ADAMTS2: variants seen among roughly 807,000 people sequenced by gnomAD.
ADAMTS2 encodes the protein ADAM metallopeptidase with thrombospondin type 1 motif 2.
ADAMTS2 carries 50 observed loss-of-function variants against 123.0 expected under a neutral mutation model. The ratio of observed to expected loss-of-function variants is 0.41; its 90% confidence interval spans 0.32 to 0.51. The LOEUF is 0.51. Among genes scored for constraint, ADAMTS2 ranks in the 20% least tolerant of loss-of-function variants. The probability of loss-of-function intolerance (pLI) is 0.35; values close to 1 mark genes in which losing one functional copy is unlikely to be tolerated. For missense variants in ADAMTS2, 1,494 were observed against 1,705.2 expected, an observed-to-expected ratio of 0.88 and a Z score of 2.18; for synonymous variants, 678 against 695.4, an observed-to-expected ratio of 0.98 and a Z score of 0.39.
chr5:179,315,982 G>A (rs1451993401), intron 2 of ADAMTS2, among the ~76,000 whole-genome samples: 1 of 152,230 alleles, frequency 6.6e-6, no homozygotes, highest in East Asian at 1.9e-4. Flanking sequence ...ATTCCAGCAT[G>A]GATGGGTTCC....
intron 2 of ADAMTS2, among the ~76,000 whole-genome samples, chr5:179,329,942 A>G (rs1035102504): frequency 6.6e-6 from 1 of 151,568 alleles, no homozygotes; most frequent in Admixed American, 6.6e-5. Context: ...CTGGCTAACA[A>G]GGTGAAACCC....
intron 3 of ADAMTS2, among the ~76,000 whole-genome samples, chr5:179,216,639 A>G (rs1006251687): frequency 5.3e-5 from 8 of 152,252 alleles, no homozygotes; most frequent in African/African-American, 1.7e-4. Flanking sequence ...AGCAGAAGTC[A>G]GACCACGACC....
At chr5:179,196,548 C>T (rs935906020) in intron 4 of ADAMTS2, among the ~76,000 whole-genome samples, 3 of 152,324 alleles carry the variant, frequency 2.0e-5, no homozygotes, top group East Asian at 1.9e-4. Flanking sequence ...AAAGAATCCC[C>T]GAAGTAGCCT....
chr5:179,254,139 GT>G (rs1765990993), intron 3 of ADAMTS2, among the ~76,000 whole-genome samples: 1 of 152,178 alleles, frequency 6.6e-6, no homozygotes. Flanking sequence ...CTGTCTCACA[GT>G]CCCGAGCTTC....
At chr5:179,289,582 T>A (rs766771960) in intron 2 of ADAMTS2, among the ~76,000 whole-genome samples, 1 of 151,950 alleles carries the variant, frequency 6.6e-6, no homozygotes, top group African/African-American at 2.4e-5. Flanking sequence ...GATTTAATCA[T>A]CGCAATGGGA....
intron 4 of ADAMTS2, among the ~76,000 whole-genome samples, chr5:179,186,574 G>A (rs1764175127): frequency 6.6e-6 from 1 of 152,218 alleles, no homozygotes; most frequent in Non-Finnish European, 1.5e-5. Flanking sequence ...CCAGAGGCCT[G>A]CAGGGCCCAC....
chr5:179,217,233 A>G (rs1765003865), intron 3 of ADAMTS2, among the ~76,000 whole-genome samples: 1 of 152,248 alleles, frequency 6.6e-6, no homozygotes, highest in African/African-American at 2.4e-5. Flanking sequence ...GGATCTTAAA[A>G]ACAGAGTGCC....
At chr5:179,254,232 T>A (rs1330350999) in intron 3 of ADAMTS2, among the ~76,000 whole-genome samples, 1 of 152,220 alleles carries the variant, frequency 6.6e-6, no homozygotes, top group African/African-American at 2.4e-5. Flanking sequence ...GATGCTCCCA[T>A]GACAAGGGGC....
intron 5 of ADAMTS2, among the ~76,000 whole-genome samples, chr5:179,166,322 G>T (rs528881153): frequency 6.6e-6 from 1 of 152,190 alleles, no homozygotes; most frequent in African/African-American, 2.4e-5. Flanking sequence ...GGGCTGGAAA[G>T]GGTCTGAGGA....
chr5:179,345,090 C>G lies in ADAMTS2; in HGVS notation c.139+100G>C. ...CCGGGCGGGGCGCGCGGAGTTTGCC[C>G]AAGTCAGGCTGGACGACGCCTGGGG... On this transcript the variant is annotated intron_variant, in intron 1 of 21. Coordinates refer to ENST00000251582, the MANE Select transcript of ADAMTS2 (RefSeq NM_014244.5). This position sits in a 1 kb window ranked among gnomAD's most constrained non-coding sequence, Gnocchi z 7.5. 7.5e-6 allele frequency: 7 copies of G among 939,164 alleles called. No individual in the cohort carries two copies. Among genetic ancestry groups the G allele is most frequent in the Non-Finnish European group, 9.0e-6 (7 of 776,386 alleles). 58.2% of individuals were successfully genotyped at this position (939,164 alleles called of 1,614,324 possible). A position where few individuals can be genotyped will look rare whatever the true frequency, so the allele number is the denominator to read the frequency against.
intron 3 of ADAMTS2, among the ~76,000 whole-genome samples, chr5:179,237,935 G>A (rs1243991743): frequency 6.6e-6 from 1 of 152,222 alleles, no homozygotes; most frequent in Admixed American, 6.5e-5. Flanking sequence ...CCGCAGTGTA[G>A]CTGTGGCTCC....
At chr5:179,343,690 G>C in intron 2 of ADAMTS2, 77 bp downstream of exon 2, 1 of 1,550,502 alleles carries the variant, frequency 6.4e-7, no homozygotes, top group Non-Finnish European at 8.7e-7. Flanking sequence ...GCCCTCCCAA[G>C]GGACTCCCAG....
chr5:179,279,657 G>T (rs1454697551), intron 2 of ADAMTS2, among the ~76,000 whole-genome samples: 1 of 152,232 alleles, frequency 6.6e-6, no homozygotes, highest in Non-Finnish European at 1.5e-5. Flanking sequence ...GGAGCTTTCA[G>T]GGAAGGGGGC....
chr5:179,250,327 A>G (rs937175941), intron 3 of ADAMTS2, among the ~76,000 whole-genome samples: 2 of 152,228 alleles, frequency 1.3e-5, no homozygotes, highest in Non-Finnish European at 2.9e-5. Context: ...CAAGAAAAAA[A>G]TAAATAAATA....
At chr5:179,226,239 C>CCTTT (rs1038180255) in intron 3 of ADAMTS2, among the ~76,000 whole-genome samples, 1 of 139,400 alleles carries the variant, frequency 7.2e-6, no homozygotes, top group Non-Finnish European at 1.6e-5. Flanking sequence ...TTCCTTCCTT[C>CCTTT]CTTTCTTTCT....
Position 179,308,126 on chromosome 5 carries a change from G to A in ADAMTS2, c.535-35062C>T, listed in dbSNP as rs753510957. ...TGGTGCAGAGTGGGCCAAGTTTGCC[G>A]CCTTCTGGAGCGACAACAAGGAGAA... On this transcript the variant is annotated intron_variant, in intron 2 of 21. Coordinates refer to ENST00000251582, the MANE Select transcript of ADAMTS2 (RefSeq NM_014244.5). The surrounding 1 kb of genome is among the most constrained non-coding windows in gnomAD (Gnocchi z 6.6). Among the ~76,000 whole-genome samples, 36 of 152,184 alleles carry A rather than the reference G, an allele frequency of 2.4e-4. No homozygotes were observed. Among genetic ancestry groups the A allele is most frequent in the Admixed American group, 4.6e-4 (7 of 15,288 alleles).
intron 3 of ADAMTS2, among the ~76,000 whole-genome samples, chr5:179,254,079 T>C (rs1221195923): frequency 2.0e-5 from 3 of 152,186 alleles, no homozygotes. Context: ...GGGCCTCCCT[T>C]AGGAAGAGGC....
In ADAMTS2 at chr5:179,202,754, G is replaced by A. The variant is rs958209485; in HGVS notation, c.891+4759C>T. Among the ~76,000 whole-genome samples the A allele has an allele frequency of 1.2e-4, 19 of 152,274 alleles. No homozygotes were observed. The highest frequency in any genetic ancestry group is 4.3e-4 in the African/African-American group (18 of 41,560). On this transcript the variant is annotated intron_variant, in intron 4 of 21. Transcript: ENST00000251582. This position sits in a 1 kb window ranked among gnomAD's most constrained non-coding sequence, Gnocchi z 4.0. Reference sequence around the variant, plus strand: ...CTCACACCATGGCGCGGGGTGGGTCGGGAGGGCCCGAGCCTATGTTGCAGC... The same window carrying A: ...CTCACACCATGGCGCGGGGTGGGTCAGGAGGGCCCGAGCCTATGTTGCAGC...
At chr5:179,229,482 T>TGCCCACTCCACAAACAC (rs1561605496) in intron 3 of ADAMTS2, among the ~76,000 whole-genome samples, 20 of 98,456 alleles carry the variant, frequency 2.0e-4, no homozygotes, top group Non-Finnish European at 3.3e-4. Context: ...TCCACAAACA[T>TGCCCACTCCACAAACAC]GAGACCCCGC....
Sources: allele counts gnomAD v4.1 joint callset (sites outside exome capture counted in the v4.1 genomes callset), GRCh38; gene constraint gnomAD v4.1.1; non-coding constraint Gnocchi (gnomAD v3.1); transcripts MANE v1.5; gene names NCBI Gene and HGNC (gene_info 2026-07-23, HGNC 2026-07-21).